Variants in MCRIP1 observed in about 807,000 individuals in gnomAD.
The protein encoded by MCRIP1 is mapk-regulated corepressor-interacting protein 1.
In MCRIP1, 10 loss-of-function variants were observed where a neutral mutation model predicts 14.4. The observed-to-expected ratio is 0.70, with a 90% CI of 0.43 to 1.18. The LOEUF (loss-of-function observed/expected upper bound fraction) is 1.18. MCRIP1 is among the 50% of genes most tolerant of loss of function. MCRIP1 has a pLI of 0.00. For missense variants in MCRIP1, 119 were observed against 135.4 expected (o/e 0.88, Z 0.60); for synonymous variants, 53 against 55.7 (o/e 0.95, Z 0.21).
At chr17:81,824,223 G>T in intron 3 of MCRIP1, 64 bp downstream of exon 3, 1 of 1,346,444 alleles carries the variant, frequency 7.4e-7, no homozygotes. Context: ...GTGGGTCCTG[G>T]GCTGGGGGCA....
intron 1 of MCRIP1, chr17:81,825,171 G>A: frequency 9.6e-7 from 1 of 1,037,810 alleles, no homozygotes; most frequent in Non-Finnish European, 1.2e-6. Flanking sequence ...AGCTCCCCTG[G>A]TGGGCAGAGG....
intron 1 of MCRIP1, among the ~76,000 whole-genome samples, chr17:81,832,989 G>A (rs1489348698): frequency 6.6e-6 from 1 of 151,898 alleles, no homozygotes; most frequent in African/African-American, 2.4e-5. Flanking sequence ...GGGCGGGAAA[G>A]GCGCTCAGTC....
chr17:81,826,119 C>T, intron 1 of MCRIP1: 1 of 1,481,410 alleles, frequency 6.8e-7, no homozygotes, highest in Non-Finnish European at 9.0e-7. Context: ...CACCTTTGGC[C>T]TGGGATCCCC....
rs571767990 is a variant in MCRIP1 at position 81,823,395 on chromosome 17, G to C, written c.229+17C>G. 7 of 1,536,362 alleles carry C rather than the reference G, an allele frequency of 4.6e-6. No individual in the cohort carries two copies. Among genetic ancestry groups the C allele is most frequent in the Non-Finnish European group, 6.1e-6 (7 of 1,146,466 alleles). On this transcript the variant is annotated intron_variant, in intron 4 of 4. Transcript: ENST00000455127. The surrounding 1 kb of genome is among the most constrained non-coding windows in gnomAD (Gnocchi z 6.0). ...GCCTGCCGGCCCAGCCCTGCCCCCA[G>C]GTCAGCCCCCACTCACTCTTCAGGC...
intron 1 of MCRIP1, chr17:81,825,643 G>A (rs755603898): frequency 4.5e-4 from 582 of 1,289,228 alleles, no homozygotes; most frequent in Non-Finnish European, 5.5e-4. Context: ...AGAATCCCAC[G>A]GCTCAAGGGC....
At chr17:81,825,184 G>A (rs1032710557) in intron 1 of MCRIP1, 4 of 1,043,094 alleles carry the variant, frequency 3.8e-6, no homozygotes, top group African/African-American at 1.7e-5. Flanking sequence ...GGCAGAGGGG[G>A]TGGCCCTGGA....
At chr17:81,826,027 T>C (rs2038386290) in intron 1 of MCRIP1, 5 of 1,402,132 alleles carry the variant, frequency 3.6e-6, no homozygotes, top group Non-Finnish European at 4.7e-6. Context: ...TAGGGGTACC[T>C]GCCTCCCAGC....
At chr17:81,830,539 C>T (rs1421344472) in intron 1 of MCRIP1, among the ~76,000 whole-genome samples, 2 of 151,652 alleles carry the variant, frequency 1.3e-5, no homozygotes, top group African/African-American at 2.4e-5. Flanking sequence ...CAGGAGGCTG[C>T]GGCAGGAGAA....
intron 1 of MCRIP1, chr17:81,826,062 C>T (rs2038387293): frequency 5.5e-6 from 8 of 1,457,290 alleles, no homozygotes; most frequent in Non-Finnish European, 6.4e-6. Flanking sequence ...GGCTCTTCTC[C>T]CCATGCATCC....
At position 81,823,131 on chromosome 17, in the gene MCRIP1, G is replaced by T. The variant is rs564448022; in HGVS notation, c.*116C>A. 11 of 974,900 alleles carry T rather than the reference G, an allele frequency of 1.1e-5. No homozygotes were observed. In the Admixed American group the frequency reaches 1.2e-4, roughly 11 times the overall value. 60.4% of individuals were successfully genotyped at this position (974,900 alleles called of 1,614,324 possible). A position where few individuals can be genotyped will look rare whatever the true frequency, so the allele number is the denominator to read the frequency against. ...CAGCCGTCAGTCACGCCAGTGCTGG[G>T]ATCTGCAGCCCGCTGGAGCAAGGCA... is the stretch of plus-strand genomic sequence containing the variant. On this transcript the variant is annotated 3_prime_UTR_variant, in exon 5 of 5. Transcript: ENST00000455127. This position sits in a 1 kb window ranked among gnomAD's most constrained non-coding sequence, Gnocchi z 6.0.
chr17:81,826,557 C>T (rs891079594), intron 1 of MCRIP1: 31 of 595,380 alleles, frequency 5.2e-5, no homozygotes, highest in Non-Finnish European at 7.0e-5. Flanking sequence ...CGGTGGCTCA[C>T]GCTTGTAATC....
intron 1 of MCRIP1, among the ~76,000 whole-genome samples, chr17:81,830,582 A>G (rs1239613555): frequency 6.6e-6 from 1 of 152,064 alleles, no homozygotes; most frequent in Non-Finnish European, 1.5e-5. Context: ...GGTTGCAGTG[A>G]GCCAAGATCA....
At position 81,828,381 on chromosome 17, in the gene MCRIP1, T is replaced by A. The variant is rs372440348; in HGVS notation, c.-48-3827A>T. ...CACAATAAACGGTTCTGCAGCTCAT[T>A]CAGCCTCACTGCCTCCTGGGGCCCT... is the stretch of plus-strand genomic sequence containing the variant. On this transcript the variant is annotated intron_variant, in intron 1 of 4. Coordinates refer to ENST00000455127, the MANE Select transcript of MCRIP1 (RefSeq NM_207368.5). 2.0e-3 allele frequency among the ~76,000 whole-genome samples: 310 copies of A among 151,262 alleles called. 6 individuals are homozygous for A. The South Asian group carries it at 0.039, about 19-fold the overall frequency.
In MCRIP1 at chr17:81,823,713, TCCCTTCCCCGC is replaced by T. The variant is rs1241446240; in HGVS notation, c.128-211_128-201del. On this transcript the variant is annotated intron_variant, in intron 3 of 4. Transcript: ENST00000455127. This position sits in a 1 kb window ranked among gnomAD's most constrained non-coding sequence, Gnocchi z 6.0. Reference sequence around the variant, plus strand: ...CGTCCCCGCTCCTCTGGCAGGCCTGTCCCTTCCCCGCAAGATGACCAGGACTGTGGTCAGAG... The same window carrying T: ...CGTCCCCGCTCCTCTGGCAGGCCTGTAAGATGACCAGGACTGTGGTCAGAG... 1 of 606,656 alleles carries T rather than the reference TCCCTTCCCCGC, an allele frequency of 1.6e-6. No homozygotes were observed. The highest frequency in any genetic ancestry group is 2.9e-6 in the Non-Finnish European group (1 of 341,074). The allele number at this position is 606,656 out of a possible 1,614,324, so 37.6% of individuals were successfully genotyped here.
At chr17:81,830,314 G>A (rs1214133629) in intron 1 of MCRIP1, among the ~76,000 whole-genome samples, 1 of 152,252 alleles carries the variant, frequency 6.6e-6, no homozygotes. Context: ...AGCATGTGCT[G>A]TATGGTTCAA....
rs1425453296 is a variant in MCRIP1, at chr17:81,824,380, T to C, written c.34A>G (p.Asn12Asp). 2 of 1,535,416 alleles carry C rather than the reference T, an allele frequency of 1.3e-6. No individual in the cohort carries two copies. The highest frequency in any genetic ancestry group is 4.9e-5 in the East Asian group (2 of 40,870). ...TSSPVSRVVY[N>D]GKRTSSPRSP... ...CGGGGGCTGCTGGTCCTCTTGCCGTTGTACACGACTCTGGAGACGGGGGAG... is the reference window on the plus strand; with the variant it reads ...CGGGGGCTGCTGGTCCTCTTGCCGTCGTACACGACTCTGGAGACGGGGGAG... The change falls in exon 3 of 5, where the codon AAC (asparagine) becomes GAC (aspartate). Residue 12 changes from asparagine to aspartate, a missense_variant. By Grantham distance (23) the Asn-to-Asp change is conservative (BLOSUM62 1). Coordinates refer to ENST00000455127, the MANE Select transcript of MCRIP1 (RefSeq NM_207368.5).
chr17:81,824,887 C>G, intron 1 of MCRIP1: 1 of 1,206,234 alleles, frequency 8.3e-7, no homozygotes, highest in Non-Finnish European at 1.0e-6. Context: ...GTGGCCAGAG[C>G]CCCTCCCCAC....
intron 1 of MCRIP1, among the ~76,000 whole-genome samples, chr17:81,831,402 C>CAAAA (rs577541495): frequency 3.3e-4 from 22 of 67,642 alleles, no homozygotes; most frequent in East Asian, 1.1e-3. Flanking sequence ...TCTCTGCCCT[C>CAAAA]AAAAAAAAAA....
intron 1 of MCRIP1, chr17:81,825,841 G>C: frequency 7.8e-7 from 1 of 1,289,728 alleles, no homozygotes; most frequent in Non-Finnish European, 1.0e-6. Flanking sequence ...AGGGACTCCA[G>C]CCCACGAACA....
Sources: gnomAD v4.1 joint callset for allele counts (sites outside exome capture counted in the v4.1 genomes callset) on GRCh38, gnomAD v4.1.1 for gene constraint, Gnocchi (gnomAD v3.1) non-coding constraint, MANE v1.5 for transcripts, NCBI Gene and HGNC (gene_info 2026-07-23, HGNC 2026-07-21) for gene names.